Variants in KLRG1 observed in about 807,000 individuals in gnomAD.
The protein encoded by KLRG1 is killer cell lectin-like receptor subfamily G member 1.
KLRG1 carries 16 observed loss-of-function variants against 21.8 expected under a neutral mutation model. The ratio of observed to expected loss-of-function variants is 0.73; its 90% CI spans 0.50 to 1.11. The LOEUF is 1.11. Among genes scored for constraint, KLRG1 ranks in the 50% most tolerant of loss-of-function variants. The pLI, the probability that KLRG1 is intolerant of heterozygous loss-of-function variation, is 0.00. For missense variants in KLRG1, 173 were observed against 218.3 expected (o/e 0.79, Z 1.31); for synonymous variants, 69 against 75.9 (o/e 0.91, Z 0.47).
At chr12:9,137,485 T>C in the KLRG1 span, among the ~76,000 whole-genome samples, 1 of 152,126 alleles carries the variant, frequency 6.6e-6, no homozygotes, top group Non-Finnish European at 1.5e-5. Context: ...TTCTTCTTTC[T>C]CAAGATTGAT....
At chr12:9,154,412 C>T in the KLRG1 span, among the ~76,000 whole-genome samples, 23 of 152,302 alleles carry the variant, frequency 1.5e-4, no homozygotes, top group Non-Finnish European at 2.9e-4. Flanking sequence ...CTCCATGTTG[C>T]TAATATATTA....
the KLRG1 span, among the ~76,000 whole-genome samples, chr12:9,034,531 C>T: frequency 9.3e-5 from 14 of 150,518 alleles, no homozygotes; most frequent in East Asian, 7.8e-4. Context: ...CTGCAACCTC[C>T]GCCTCCCCGG....
the KLRG1 span, among the ~76,000 whole-genome samples, chr12:9,108,157 G>A: frequency 2.0e-5 from 3 of 151,132 alleles, no homozygotes; most frequent in African/African-American, 4.9e-5. Context: ...ATGGAGTCTC[G>A]CTCTGTCGCC....
intron 1 of KLRG1, among the ~76,000 whole-genome samples, chr12:8,952,401 A>C (rs1419528843): frequency 6.6e-6 from 1 of 152,146 alleles, no homozygotes; most frequent in African/African-American, 2.4e-5. Flanking sequence ...ATTTTTGCCC[A>C]GGCTTGTCTT....
the KLRG1 span, chr12:9,201,028 C>G: frequency 1.2e-6 from 2 of 1,614,118 alleles, no homozygotes; most frequent in Non-Finnish European, 1.7e-6. Flanking sequence ...GCTTGAGACT[C>G]TGCCATTGTG....
At position 8,996,315 on chromosome 12, in the gene KLRG1, T is replaced by A. The variant is rs972387585; in HGVS notation, c.357+1027T>A. Among the ~76,000 whole-genome samples the A allele has an allele frequency of 3.9e-5, 6 of 152,244 alleles. No individual in the cohort carries two copies. The South Asian group carries it at 8.3e-4, about 21-fold the overall frequency. On this transcript the variant is annotated intron_variant, in intron 3 of 4. Transcript: ENST00000356986. ...ATCCTGAGGTTGCCTAGTATAAAAATCAATCAAATTCTAATTTGTCAACAT... is the reference window on the plus strand; with the variant it reads ...ATCCTGAGGTTGCCTAGTATAAAAAACAATCAAATTCTAATTTGTCAACAT...
At chr12:9,209,474 A>T in the KLRG1 span, among the ~76,000 whole-genome samples, 371 of 152,158 alleles carry the variant, frequency 2.4e-3, 2 homozygotes, top group African/African-American at 8.3e-3. Flanking sequence ...GATAAAAGAC[A>T]CTCGTACCTT....
intron 1 of KLRG1, among the ~76,000 whole-genome samples, chr12:8,959,703 A>AT (rs1456008073): frequency 6.6e-6 from 1 of 151,938 alleles, no homozygotes; most frequent in Admixed American, 6.6e-5. Flanking sequence ...GTAGGCCTTA[A>AT]TTTTTTTCAG....
the KLRG1 span, chr12:9,089,209 A>C: frequency 1.9e-6 from 3 of 1,588,710 alleles, no homozygotes; most frequent in Non-Finnish European, 2.6e-6. Flanking sequence ...CCTGATGGAC[A>C]AAGTAGGGAG....
the KLRG1 span, among the ~76,000 whole-genome samples, chr12:9,154,291 A>G: frequency 1.3e-5 from 2 of 152,216 alleles, no homozygotes; most frequent in Non-Finnish European, 1.5e-5. Context: ...TTCCTTTTAC[A>G]ACGATGATGT....
intron 1 of KLRG1, among the ~76,000 whole-genome samples, chr12:8,957,020 G>A (rs983311449): frequency 9.2e-5 from 14 of 152,222 alleles, no homozygotes; most frequent in Admixed American, 3.3e-4. Context: ...CAGTGGTCAC[G>A]AGTGAATCTT....
At chr12:9,157,139 TC>T in the KLRG1 span, 2 of 1,588,890 alleles carry the variant, frequency 1.3e-6, no homozygotes, top group Non-Finnish European at 1.7e-6. Context: ...GTCTATGTGT[TC>T]TCATTGTTCA....
At chr12:9,194,106 T>C in the KLRG1 span, 1 of 1,613,918 alleles carries the variant, frequency 6.2e-7, no homozygotes, top group Non-Finnish European at 8.5e-7. Context: ...ACCGAGATAC[T>C]GGTAGTATTG....
chr12:9,165,475 G>T, the KLRG1 span: 1 of 1,258,382 alleles, frequency 7.9e-7, no homozygotes, highest in Non-Finnish European at 1.1e-6. Flanking sequence ...TCCACTTAAG[G>T]GTATATGCGA....
At chr12:8,954,423 C>CAA (rs34443402) in intron 1 of KLRG1, among the ~76,000 whole-genome samples, 54,437 of 146,684 alleles carry the variant, frequency 0.37, 10,817 homozygotes, top group Middle Eastern at 0.47. Flanking sequence ...CTCTTACCAC[C>CAA]AAAAAAAAAA....
chr12:9,214,190 A>G, the KLRG1 span, among the ~76,000 whole-genome samples: 3 of 152,124 alleles, frequency 2.0e-5, no homozygotes, highest in South Asian at 2.1e-4. Flanking sequence ...ATTGATCTAT[A>G]TATCTATCCT....
the KLRG1 span, among the ~76,000 whole-genome samples, chr12:9,104,809 C>A: frequency 6.6e-6 from 1 of 152,144 alleles, no homozygotes; most frequent in Non-Finnish European, 1.5e-5. Context: ...ATCTATTAAT[C>A]TATTAACTAA....
the KLRG1 span, among the ~76,000 whole-genome samples, chr12:9,023,272 T>G: frequency 6.6e-6 from 1 of 152,202 alleles, no homozygotes; most frequent in African/African-American, 2.4e-5. Context: ...GCTGCTGACC[T>G]CTGGAGAATT....
chr12:9,093,473 C>A, the KLRG1 span: 1 of 1,613,150 alleles, frequency 6.2e-7, no homozygotes, highest in Non-Finnish European at 8.5e-7. Flanking sequence ...ACTTTACCAC[C>A]ACCAAATCCC....
Sources: allele counts gnomAD v4.1 joint callset (sites outside exome capture counted in the v4.1 genomes callset), GRCh38; gene constraint gnomAD v4.1.1; transcripts MANE v1.5; gene names NCBI Gene and HGNC (gene_info 2026-07-23, HGNC 2026-07-21).